Variants in SLC6A15 observed in about 807,000 individuals in gnomAD.
The protein encoded by SLC6A15 is solute carrier family 6 member 15.
A neutral mutation model predicts 68.5 loss-of-function variants in SLC6A15; 33 were observed. The observed-to-expected ratio is 0.48, with a 90% CI of 0.37 to 0.64. The LOEUF is 0.64. SLC6A15 is among the 30% of genes least tolerant of loss of function. The pLI is 0.00. For missense variants in SLC6A15, 747 were observed against 874.3 expected (o/e 0.85, Z 1.84); for synonymous variants, 347 against 301.0 (o/e 1.15, Z -1.58).
intron 9 of SLC6A15, among the ~76,000 whole-genome samples, chr12:84,869,037 A>G (rs1871175427): frequency 6.6e-6 from 1 of 152,226 alleles, no homozygotes; most frequent in South Asian, 2.1e-4. Flanking sequence ...GACTGCTGAA[A>G]TTAAATTGTT....
intron 1 of SLC6A15, among the ~76,000 whole-genome samples, chr12:84,908,615 T>G (rs1873288761): frequency 6.7e-6 from 1 of 149,424 alleles, no homozygotes; most frequent in Non-Finnish European, 1.5e-5. Context: ...TATATATATA[T>G]ATATATATAT....
chr12:84,910,069 A>T (rs1592619841), intron 1 of SLC6A15, among the ~76,000 whole-genome samples: 2 of 152,074 alleles, frequency 1.3e-5, no homozygotes, highest in Admixed American at 1.3e-4. Flanking sequence ...ATCCAGTTTT[A>T]AGATTCTGCA....
chr12:84,884,155 T>TGTAAATTACA (rs1871968425), intron 4 of SLC6A15, 115 bp from the exon 5 acceptor site: 1 of 764,882 alleles, frequency 1.3e-6, no homozygotes, highest in Admixed American at 2.6e-5. Context: ...AGTACTACCA[T>TGTAAATTACA]TGTATAGCAG....
At chr12:84,877,254 A>C (rs1267550560) in intron 5 of SLC6A15, among the ~76,000 whole-genome samples, 1 of 152,170 alleles carries the variant, frequency 6.6e-6, no homozygotes, top group Non-Finnish European at 1.5e-5. Flanking sequence ...GAAACTTCTG[A>C]ATTTCCCTCA....
In SLC6A15 at chr12:84,876,506, A is replaced by G. The variant is rs529419015; in HGVS notation, c.858T>C (p.Phe286=). The change falls in exon 6 of 12, where the codon TTT becomes TTC. Residue 286 remains phenylalanine, a synonymous_variant. Transcript: ENST00000266682. The part of the protein sequence containing the change: ...NGSIDGIRHM[F]TPKLEIMLEP... ...GAAATATGGTACATACCTTAGGGGT[A>G]AACATGTGGCGAATGCCATCAATTG... The G allele has an allele frequency of 1.3e-6, 2 of 1,564,942 alleles. No homozygotes were observed. Among genetic ancestry groups the G allele is most frequent in the South Asian group, 1.2e-5 (1 of 85,702 alleles).
intron 1 of SLC6A15, among the ~76,000 whole-genome samples, chr12:84,907,748 T>C (rs961638060): frequency 1.5e-4 from 23 of 152,204 alleles, no homozygotes; most frequent in African/African-American, 4.6e-4. Flanking sequence ...TATGCAGGAA[T>C]GTCCATAGCA....
chr12:84,885,709 T>C (rs1432076449), intron 3 of SLC6A15, 148 bp from the exon 4 acceptor site: 4 of 1,071,478 alleles, frequency 3.7e-6, no homozygotes, highest in Middle Eastern at 3.1e-4. Flanking sequence ...AAAAAGTTAA[T>C]GTCTTTCTCA....
intron 6 of SLC6A15, among the ~76,000 whole-genome samples, chr12:84,875,770 C>T (rs1871504857): frequency 1.4e-5 from 2 of 138,948 alleles, no homozygotes; most frequent in African/African-American, 5.4e-5. Flanking sequence ...TATGATTAAC[C>T]AGGTTAAGTG....
chr12:84,900,561 G>A (rs954458312), intron 1 of SLC6A15, among the ~76,000 whole-genome samples: 1 of 150,968 alleles, frequency 6.6e-6, no homozygotes, highest in African/African-American at 2.4e-5. Flanking sequence ...ATTCCCCTAC[G>A]TTCAATGTTA....
intron 1 of SLC6A15, among the ~76,000 whole-genome samples, chr12:84,895,189 T>C (rs955623872): frequency 6.6e-5 from 10 of 152,024 alleles, no homozygotes; most frequent in African/African-American, 9.7e-5. Flanking sequence ...AAATAAGTTA[T>C]TGCCTTGAGA....
intron 2 of SLC6A15, among the ~76,000 whole-genome samples, chr12:84,888,879 CTCTT>C (rs1275694465): frequency 6.6e-6 from 1 of 152,172 alleles, no homozygotes; most frequent in African/African-American, 2.4e-5. Context: ...CTGTCTCCCA[CTCTT>C]TTTTTGTCCC....
chr12:84,885,105 C>A lies in SLC6A15; in HGVS notation c.574+330G>T, dbSNP rs189051884. Among the ~76,000 whole-genome samples, 15 of 151,964 alleles carry A rather than the reference C, an allele frequency of 9.9e-5. No individual in the cohort carries two copies. In the East Asian group the frequency reaches 2.9e-3, roughly 29 times the overall value. On this transcript the variant is annotated intron_variant, in intron 4 of 11. Coordinates refer to ENST00000266682, the MANE Select transcript of SLC6A15 (RefSeq NM_182767.6). Reference sequence around the variant, plus strand: ...TTTTCATTCAAATTCTTATTTCTGTCCCCTTTCTGTTAGTTTTAATGAAAA... The same window carrying A: ...TTTTCATTCAAATTCTTATTTCTGTACCCTTTCTGTTAGTTTTAATGAAAA...
chr12:84,894,382 C>G (rs1872546468), intron 1 of SLC6A15, among the ~76,000 whole-genome samples: 3 of 152,106 alleles, frequency 2.0e-5, no homozygotes, highest in Admixed American at 6.5e-5. Context: ...TGTCCTAGCA[C>G]TATAACTTAT....
At chr12:84,863,068 G>C (rs1870918003) in intron 11 of SLC6A15, among the ~76,000 whole-genome samples, 1 of 152,048 alleles carries the variant, frequency 6.6e-6, no homozygotes, top group Admixed American at 6.6e-5. Flanking sequence ...TGGGATTATA[G>C]GTATGAGTCA....
At chr12:84,870,416 C>A (rs2120563589) in intron 9 of SLC6A15, 62 bp downstream of exon 9, 1 of 1,231,514 alleles carries the variant, frequency 8.1e-7, no homozygotes. Context: ...CATCTCTAAT[C>A]TTTCACCAAG....
chr12:84,873,031 T>C, intron 7 of SLC6A15, 56 bp downstream of exon 7: 1 of 1,562,672 alleles, frequency 6.4e-7, no homozygotes, highest in Non-Finnish European at 8.7e-7. Flanking sequence ...TCAATAAAAG[T>C]ATAAATAACA....
intron 1 of SLC6A15, among the ~76,000 whole-genome samples, chr12:84,901,017 TATATACATGTATATATGCATACAC>T (rs1205592991): frequency 0.022 from 3,041 of 136,978 alleles, 416 homozygotes; most frequent in African/African-American, 0.038. Flanking sequence ...TATACATACA[TATATACATGTATATATGCATACAC>T]ATATACGTAT....
intron 3 of SLC6A15, 59 bp downstream of exon 3, chr12:84,885,852 A>G: frequency 1.2e-5 from 17 of 1,458,360 alleles, no homozygotes; most frequent in Non-Finnish European, 1.6e-5. Flanking sequence ...TTTAAATGTT[A>G]ATTATATAAT....
intron 9 of SLC6A15, 135 bp from the exon 10 acceptor site, chr12:84,867,328 T>C (rs1871106622): frequency 1.6e-6 from 1 of 621,020 alleles, no homozygotes; most frequent in Admixed American, 3.8e-5. Context: ...ATACCTTTCC[T>C]GATACATGGC....
Sources: gnomAD v4.1 joint callset for allele counts (sites outside exome capture counted in the v4.1 genomes callset) on GRCh38, gnomAD v4.1.1 for gene constraint, MANE v1.5 for transcripts, NCBI Gene and HGNC (gene_info 2026-07-23, HGNC 2026-07-21) for gene names.